The following AKAP11 variants were observed in gnomAD, a reference collection of about 807,000 sequenced individuals.
The protein encoded by AKAP11 is A-kinase anchor protein 11.
In AKAP11, 36 loss-of-function variants were observed where a neutral mutation model predicts 146.1. The ratio of observed to expected loss-of-function variants is 0.25; its 90% CI spans 0.19 to 0.33. The LOEUF (loss-of-function observed/expected upper bound fraction) is 0.33. AKAP11 is among the 10% of genes least tolerant of loss of function. The pLI, the probability that AKAP11 is intolerant of heterozygous loss-of-function variation, is 1.00. For missense variants in AKAP11, 2,201 were observed against 2,197.0 expected (o/e 1.00, Z -0.04); for synonymous variants, 780 against 786.5 (o/e 0.99, Z 0.14).
intron 11 of AKAP11, among the ~76,000 whole-genome samples, chr13:42,317,226 C>T (rs955651300): frequency 4.6e-5 from 7 of 152,148 alleles, no homozygotes; most frequent in Admixed American, 1.3e-4. Flanking sequence ...TATTTTCTCT[C>T]TAACCCACTG....
intron 9 of AKAP11, among the ~76,000 whole-genome samples, chr13:42,312,519 A>G (rs906728921): frequency 1.3e-5 from 2 of 152,178 alleles, no homozygotes; most frequent in African/African-American, 2.4e-5. Flanking sequence ...ATCTGAGAAC[A>G]TGTTTTGCCC....
Position 42,290,717 on chromosome 13 carries a change from A to G in AKAP11, c.52-1668A>G, listed in dbSNP as rs78831515. Among the ~76,000 whole-genome samples the G allele has an allele frequency of 6.7e-3, 1,017 of 152,086 alleles. 14 individuals are homozygous for G. Among genetic ancestry groups the G allele is most frequent in the African/African-American group, 0.023 (957 of 41,474 alleles). On this transcript the variant is annotated intron_variant, in intron 3 of 12. Transcript: ENST00000025301. ...ATTCTTCTTGATTCCACATTGTCCC[A>G]TATTTGGCCAGTGGGAATTCTTTCA...
chr13:42,309,333 T>A (rs1354719913), intron 9 of AKAP11, among the ~76,000 whole-genome samples: 1 of 152,220 alleles, frequency 6.6e-6, no homozygotes, highest in Non-Finnish European at 1.5e-5. Context: ...CTGGAAATAA[T>A]AGATACCATT....
chr13:42,271,478 A>G (rs753900640), upstream of AKAP11, among the ~76,000 whole-genome samples: 1 of 152,160 alleles, frequency 6.6e-6, no homozygotes, highest in Non-Finnish European at 1.5e-5. Context: ...AGATGCTGGG[A>G]GAAGGGGCGG....
Position 42,302,459 on chromosome 13 carries a change from AAAG to A in AKAP11, c.3717_3719del (p.Arg1239del). ...AACCCTTGCTTAAATGTGCAAAGTCAAAGAAGTGTGTCGCCTACTTTTTTAAAC... is the reference window on the plus strand; with the variant it reads ...AACCCTTGCTTAAATGTGCAAAGTCAAAGTGTGTCGCCTACTTTTTTAAAC... On this transcript the variant is annotated inframe_deletion, in exon 8 of 13. Transcript: ENST00000025301. 6.2e-7 allele frequency: 1 copy of A among 1,614,200 alleles called. No homozygotes were observed. The highest frequency in any genetic ancestry group is 2.2e-5 in the East Asian group (1 of 44,886).
At chr13:42,304,438 C>G (rs1206382330) in intron 8 of AKAP11, among the ~76,000 whole-genome samples, 1 of 152,200 alleles carries the variant, frequency 6.6e-6, no homozygotes, top group Non-Finnish European at 1.5e-5. Flanking sequence ...GGGCTTGATG[C>G]TATCTGCAGT....
At position 42,319,076 on chromosome 13, in the gene AKAP11, T is replaced by C. The variant is rs368500707; in HGVS notation, c.5566-12T>C. 11 of 1,611,308 alleles carry C rather than the reference T, an allele frequency of 6.8e-6. No homozygotes were observed. Among genetic ancestry groups the C allele is most frequent in the Non-Finnish European group, 7.6e-6 (9 of 1,178,994 alleles). On this transcript the variant is annotated splice_polypyrimidine_tract_variant and intron_variant, in intron 12 of 12. Coordinates refer to ENST00000025301, the MANE Select transcript of AKAP11 (RefSeq NM_016248.4). ...GTTTTTGGTTAATGTTTGACACATC[T>C]TTCTTTCTTAGCTTTCAAAACAATT...
chr13:42,296,305 G>A (rs138121377), intron 5 of AKAP11, among the ~76,000 whole-genome samples: 1 of 152,280 alleles, frequency 6.6e-6, no homozygotes, highest in African/African-American at 2.4e-5. Context: ...TTTGATTGTG[G>A]CCTTGCTTGA....
intron 3 of AKAP11, among the ~76,000 whole-genome samples, chr13:42,288,644 G>A (rs1959183720): frequency 6.6e-6 from 1 of 152,210 alleles, no homozygotes; most frequent in African/African-American, 2.4e-5. Flanking sequence ...CCCCTGTTTG[G>A]ATCCAGTCTA....
At position 42,300,662 on chromosome 13, in the gene AKAP11, T is replaced by G. The variant is rs1366174083; in HGVS notation, c.1916T>G (p.Phe639Cys). 1.2e-6 allele frequency: 2 copies of G among 1,613,986 alleles called. No individual in the cohort carries two copies. Among genetic ancestry groups the G allele is most frequent in the Non-Finnish European group, 1.7e-6 (2 of 1,179,970 alleles). Residue 639 changes from phenylalanine to cysteine, a missense_variant, in exon 8 of 13, where the codon TTC becomes TGC. Transcript: ENST00000025301. ...KDLQYVKKQI[F>C]TNTVARFAAD... ...TTACAGTATGTAAAGAAGCAGATATTCACAAACACAGTTGCTAGGTTTGCT... is the reference window on the plus strand; with the variant it reads ...TTACAGTATGTAAAGAAGCAGATATGCACAAACACAGTTGCTAGGTTTGCT...
chr13:42,296,564 T>G (rs1959527844), intron 5 of AKAP11, among the ~76,000 whole-genome samples: 1 of 152,084 alleles, frequency 6.6e-6, no homozygotes, highest in Non-Finnish European at 1.5e-5. Flanking sequence ...TCTTTTCCTT[T>G]AATCTTCATT....
At position 42,302,288 on chromosome 13, in the gene AKAP11, A is replaced by G; in HGVS notation, c.3542A>G (p.Glu1181Gly). ...SEEVESSESG[E>G]LPEVDVKSEH... ...GAAGTTGAGAGTAGTGAAAGTGGAG[A>G]GCTCCCAGAAGTGGATGTGAAGTCG... is the stretch of plus-strand genomic sequence containing the variant. Residue 1181 changes from glutamate to glycine, a missense_variant, in exon 8 of 13, where the codon GAG becomes GGG. By Grantham distance (98) the Glu-to-Gly change is moderately conservative (BLOSUM62 -2). Around this residue, in one of 3 missense-constraint regions of AKAP11, gnomAD observed 1,867 missense variants for 1,833.5 expected, o/e 1.02. Transcript: ENST00000025301. The G allele has an allele frequency of 1.2e-6, 2 of 1,614,164 alleles. No homozygotes were observed. The highest frequency in any genetic ancestry group is 1.7e-6 in the Non-Finnish European group (2 of 1,180,018).
rs930791091 is a variant in AKAP11, at chr13:42,319,569, T to G, written c.*341T>G. The G allele has an allele frequency of 5.5e-6, 1 of 180,624 alleles. No individual in the cohort carries two copies. The highest frequency in any genetic ancestry group is 2.4e-5 in the African/African-American group (1 of 42,510). 11.2% of individuals were successfully genotyped at this position (180,624 alleles called of 1,614,324 possible). ...CAAATAGTGCTGCTAGAAACTGCAC[T>G]GAAGTGGCTGAGGATAGGTTCCAGT... On this transcript the variant is annotated 3_prime_UTR_variant, in exon 13 of 13. Coordinates refer to ENST00000025301, the MANE Select transcript of AKAP11 (RefSeq NM_016248.4).
chr13:42,301,078 A>G lies in AKAP11; in HGVS notation c.2332A>G (p.Thr778Ala), dbSNP rs569199108. ...CTTGTTTTGTACTTCTGGAATTGTT[A>G]CTTCTATACCGGTGCCCTTGGCAGG... The part of the protein sequence containing the change: ...QALFCTSGIV[T>A]SIPVPLAGSA... Residue 778 changes from threonine (T) to alanine (A), a missense_variant, in exon 8 of 13, where the codon ACT becomes GCT. Physicochemically the swap from Thr to Ala is moderately conservative, Grantham distance 58. This residue lies in a region of AKAP11 where 1,867 missense variants were observed against 1,833.5 expected (regional missense o/e 1.02). Transcript: ENST00000025301. 8.7e-6 allele frequency: 14 copies of G among 1,614,092 alleles called. No individual in the cohort carries two copies. The highest frequency in any genetic ancestry group is 8.3e-5 in the Admixed American group (5 of 60,008).
intron 1 of AKAP11, among the ~76,000 whole-genome samples, chr13:42,281,282 T>A (rs1959052074): frequency 6.6e-6 from 1 of 152,298 alleles, no homozygotes; most frequent in African/African-American, 2.4e-5. Context: ...AACCAGAAAT[T>A]ACATGTGGCA....
At chr13:42,318,602 A>G (rs1960937226) in intron 12 of AKAP11, among the ~76,000 whole-genome samples, 1 of 152,210 alleles carries the variant, frequency 6.6e-6, no homozygotes, top group East Asian at 1.9e-4. Flanking sequence ...TGAAACATTA[A>G]CATTCTTTAA....
In AKAP11 at chr13:42,280,546, T is replaced by C. The variant is rs370532856; in HGVS notation, c.-99-5440T>C. On this transcript the variant is annotated intron_variant, in intron 1 of 12. Transcript: ENST00000025301. Reference sequence around the variant, plus strand: ...TGCTTTGAACTTTGTTCTTTAAATATGTTACTTTTTATTTATTAGTTCAGC... The same window carrying C: ...TGCTTTGAACTTTGTTCTTTAAATACGTTACTTTTTATTTATTAGTTCAGC... 1.8e-4 allele frequency among the ~76,000 whole-genome samples: 28 copies of C among 152,348 alleles called. No individual in the cohort carries two copies. The South Asian group carries it at 4.8e-3, about 26-fold the overall frequency.
In AKAP11 at chr13:42,301,588, A is replaced by T; in HGVS notation, c.2842A>T (p.Lys948Ter). 6.2e-7 allele frequency: 1 copy of T among 1,614,154 alleles called. No individual in the cohort carries two copies. The highest frequency in any genetic ancestry group is 8.5e-7 in the Non-Finnish European group (1 of 1,179,992). Residue 948 changes from lysine (K) to a stop codon, truncating the protein, a stop_gained, in exon 8 of 13, where the codon AAA (lysine) becomes TAA (stop). Transcript: ENST00000025301. LOFTEE classifies it high-confidence loss of function. ...TGACCGGTTATCTAAATCTATTATT[A>T]AACATTCCATAGATAAGAGCAAATC... Reference protein sequence around the residue: ...FADRLSKSIIKHSIDKSKSVI... With the variant: ...FADRLSKSII
chr13:42,314,002 C>T (rs1960693187), intron 11 of AKAP11, 62 bp downstream of exon 11: 2 of 1,535,128 alleles, frequency 1.3e-6, no homozygotes, highest in African/African-American at 2.7e-5. Flanking sequence ...CTAGAAGAGT[C>T]TTTATGCATT....
Sources: allele counts gnomAD v4.1 joint callset (sites outside exome capture counted in the v4.1 genomes callset), GRCh38; gene constraint gnomAD v4.1.1; regional missense constraint gnomAD v4.1.1; transcripts MANE v1.5; gene names NCBI Gene and HGNC (gene_info 2026-07-23, HGNC 2026-07-21).